PITPNC1: variants seen among roughly 807,000 people sequenced by gnomAD.
PITPNC1 encodes the protein cytoplasmic phosphatidylinositol transfer protein 1.
Under a neutral mutation model 44.7 loss-of-function variants are expected in PITPNC1, and 18 were observed. The ratio of observed to expected loss-of-function variants is 0.40; its 90% CI spans 0.28 to 0.60. The LOEUF (loss-of-function observed/expected upper bound fraction) is 0.60, where lower values mean the gene tolerates loss of function less well. Among genes scored for constraint, PITPNC1 ranks in the 20% least tolerant of loss-of-function variants. The probability of loss-of-function intolerance (pLI) is 0.39; values close to 1 mark genes in which losing one functional copy is unlikely to be tolerated. For synonymous variants in PITPNC1, 141 were observed against 149.6 expected (o/e 0.94, Z 0.42); for missense variants, 290 against 418.4 (o/e 0.69, Z 2.68).
intron 8 of PITPNC1, among the ~76,000 whole-genome samples, chr17:67,684,437 G>GTT (rs113320295): frequency 1.4e-5 from 2 of 146,852 alleles, no homozygotes; most frequent in Admixed American, 6.8e-5. Context: ...CTTAAATAAT[G>GTT]TTTTTTTTTT....
At chr17:67,542,530 G>A (rs1230653455) in intron 2 of PITPNC1, among the ~76,000 whole-genome samples, 3 of 152,174 alleles carry the variant, frequency 2.0e-5, no homozygotes, top group Non-Finnish European at 4.4e-5. Flanking sequence ...GCATTGGAGA[G>A]AATCCCTTAA....
At chr17:67,468,422 G>A (rs1228798382) in intron 1 of PITPNC1, among the ~76,000 whole-genome samples, 21 of 116,388 alleles carry the variant, frequency 1.8e-4, no homozygotes, top group Non-Finnish European at 3.5e-5. Flanking sequence ...TTTTTTTTGA[G>A]ATGGAGTCTC....
chr17:67,651,115 GT>G (rs200858316), intron 6 of PITPNC1, among the ~76,000 whole-genome samples: 1 of 151,264 alleles, frequency 6.6e-6, no homozygotes, highest in Non-Finnish European at 1.5e-5. Flanking sequence ...GTTTTGGTTT[GT>G]TTTTTTTTAA....
At chr17:67,419,866 G>A (rs575417459) in intron 1 of PITPNC1, among the ~76,000 whole-genome samples, 4 of 151,656 alleles carry the variant, frequency 2.6e-5, no homozygotes, top group Non-Finnish European at 5.9e-5. Flanking sequence ...AGACTGTGCC[G>A]CTGCACTCCA....
At chr17:67,651,525 A>C (rs56101545) in intron 6 of PITPNC1, among the ~76,000 whole-genome samples, 12,169 of 152,092 alleles carry the variant, frequency 0.08, 690 homozygotes, top group East Asian at 0.22. Context: ...AAAAAAACCC[A>C]AAAAAACAGC....
chr17:67,544,774 G>A (rs1273326576), intron 2 of PITPNC1, among the ~76,000 whole-genome samples: 1 of 152,116 alleles, frequency 6.6e-6, no homozygotes, highest in African/African-American at 2.4e-5. Context: ...GAACCTTGTG[G>A]TCATGGCTTG....
At chr17:67,586,557 C>T (rs766522985) in intron 5 of PITPNC1, among the ~76,000 whole-genome samples, 10 of 151,822 alleles carry the variant, frequency 6.6e-5, no homozygotes, top group East Asian at 3.9e-4. Context: ...ATTGTGCCAC[C>T]GCACTCCAGC....
At position 67,394,754 on chromosome 17, in the gene PITPNC1, C is replaced by T. The variant is rs879112082; in HGVS notation, c.48+16552C>T. ...CTAAAAATACAAAATATTAGCCAGGCGTGGTGGCGGGCGCCTGTAGTCCCA... is the reference window on the plus strand; with the variant it reads ...CTAAAAATACAAAATATTAGCCAGGTGTGGTGGCGGGCGCCTGTAGTCCCA... On this transcript the variant is annotated intron_variant, in intron 1 of 8. Transcript: ENST00000581322. Among the ~76,000 whole-genome samples the T allele has an allele frequency of 6.6e-5, 10 of 152,034 alleles. No homozygotes were observed. The East Asian group carries it at 1.7e-3, about 26-fold the overall frequency.
At chr17:67,519,171 G>GTTTTT (rs563294178) in intron 1 of PITPNC1, among the ~76,000 whole-genome samples, 12 of 78,752 alleles carry the variant, frequency 1.5e-4, no homozygotes, top group African/African-American at 2.1e-4. Context: ...GCAGCATTCT[G>GTTTTT]TTTTTTTTTT....
At chr17:67,392,190 G>C (rs1299623592) in intron 1 of PITPNC1, among the ~76,000 whole-genome samples, 1 of 152,176 alleles carries the variant, frequency 6.6e-6, no homozygotes, top group African/African-American at 2.4e-5. Context: ...GGCACATTTA[G>C]TTGAAAACTT....
chr17:67,424,742 G>T (rs529411371), intron 1 of PITPNC1, among the ~76,000 whole-genome samples: 2 of 151,992 alleles, frequency 1.3e-5, no homozygotes, highest in Non-Finnish European at 2.9e-5. Context: ...AGGTTGCAGA[G>T]GTTGGAGTAC....
chr17:67,680,151 A>G (rs1567776407), intron 8 of PITPNC1, among the ~76,000 whole-genome samples: 1 of 152,190 alleles, frequency 6.6e-6, no homozygotes, highest in Non-Finnish European at 1.5e-5. Flanking sequence ...GGTTGAGTTC[A>G]CCAAGCCAGA....
intron 1 of PITPNC1, among the ~76,000 whole-genome samples, chr17:67,471,029 A>C (rs555272323): frequency 0.01 from 1,249 of 122,816 alleles, 25 homozygotes; most frequent in African/African-American, 0.039. Flanking sequence ...GTCATCACCA[A>C]TCCCTAATCT....
chr17:67,463,332 T>C (rs2039372045), intron 1 of PITPNC1, among the ~76,000 whole-genome samples: 1 of 152,208 alleles, frequency 6.6e-6, no homozygotes, highest in African/African-American at 2.4e-5. Context: ...ATGTGCATTA[T>C]TGATTAATCA....
At chr17:67,553,654 A>G (rs372646057) in intron 4 of PITPNC1, 37 bp downstream of exon 4, 113 of 919,398 alleles carry the variant, frequency 1.2e-4, no homozygotes, top group Admixed American at 1.9e-4. Flanking sequence ...CATTCTGTCT[A>G]TGATCAGTGG....
Position 67,692,733 on chromosome 17 carries a change from A to T in PITPNC1, c.844A>T (p.Thr282Ser). 1 of 1,613,672 alleles carries T rather than the reference A, an allele frequency of 6.2e-7. No homozygotes were observed. The change falls in exon 9 of 9, where the codon ACA becomes TCA. Residue 282 changes from threonine (T) to serine (S), a missense_variant. Coordinates refer to ENST00000581322, the MANE Select transcript of PITPNC1 (RefSeq NM_012417.4). ...TAGTGCTCCATCCACCCCTCTCTCC[A>T]CAGACGCACCCGAATTTCTGTCCGT... ...PSSAPSTPLS[T>S]DAPEFLSVPK... is the part of the protein sequence containing the mutation.
At chr17:67,599,460 A>C (rs1385138618) in intron 5 of PITPNC1, among the ~76,000 whole-genome samples, 1 of 152,130 alleles carries the variant, frequency 6.6e-6, no homozygotes, top group Non-Finnish European at 1.5e-5. Context: ...ACCTGGGGGA[A>C]TATTGACGTT....
intron 1 of PITPNC1, among the ~76,000 whole-genome samples, chr17:67,444,132 C>T (rs555843909): frequency 2.0e-5 from 3 of 152,168 alleles, no homozygotes; most frequent in Non-Finnish European, 4.4e-5. Flanking sequence ...TCTTGTCATA[C>T]TGCCCCGCTC....
At position 67,480,986 on chromosome 17, in the gene PITPNC1, C is replaced by A. The variant is rs1335370878; in HGVS notation, c.49-51816C>A. On this transcript the variant is annotated intron_variant, in intron 1 of 8. Coordinates refer to ENST00000581322, the MANE Select transcript of PITPNC1 (RefSeq NM_012417.4). ...ATTTGGGAGGCTGAGGTGGGCGGAGCACCTGACATCAGGAGTTCGAGACCA... is the reference window on the plus strand; with the variant it reads ...ATTTGGGAGGCTGAGGTGGGCGGAGAACCTGACATCAGGAGTTCGAGACCA... Among the ~76,000 whole-genome samples, 3 of 152,176 alleles carry A rather than the reference C, an allele frequency of 2.0e-5. No individual in the cohort carries two copies. In the South Asian group the frequency reaches 6.2e-4, roughly 32 times the overall value.
Sources: allele counts gnomAD v4.1 joint callset (sites outside exome capture counted in the v4.1 genomes callset), GRCh38; gene constraint gnomAD v4.1.1; transcripts MANE v1.5; gene names NCBI Gene and HGNC (gene_info 2026-07-23, HGNC 2026-07-21).